Variants in RAPGEF1 observed in about 807,000 individuals in gnomAD.
RAPGEF1 encodes CRK SH3-binding GNRP.
RAPGEF1 carries 33 observed loss-of-function variants against 143.3 expected under a neutral mutation model. That is an observed-to-expected ratio of 0.23 (90% CI 0.17 to 0.31). The LOEUF is 0.31. RAPGEF1 is among the 10% of genes least tolerant of loss of function. The pLI is 1.00. For synonymous variants in RAPGEF1, 629 were observed against 676.5 expected (o/e 0.93, Z 1.09); for missense variants, 1,199 against 1,645.4 (o/e 0.73, Z 4.69).
chr9:131,720,528 G>A (rs1170258591), intron 1 of RAPGEF1, among the ~76,000 whole-genome samples: 1 of 152,102 alleles, frequency 6.6e-6, no homozygotes, highest in African/African-American at 2.4e-5. Context: ...AAACCTCCAG[G>A]TGCTGACGTT....
intron 1 of RAPGEF1, among the ~76,000 whole-genome samples, chr9:131,684,995 C>T (rs889701494): frequency 2.0e-5 from 3 of 152,108 alleles, no homozygotes; most frequent in Admixed American, 6.5e-5. Context: ...CTGAGGAAAG[C>T]GGGACAACCA....
rs986515023 is a variant in RAPGEF1, at chr9:131,584,295, C to A, written c.3414+16G>T. 6.3e-7 allele frequency: 1 copy of A among 1,599,834 alleles called. No homozygotes were observed. The highest frequency in any genetic ancestry group is 8.5e-7 in the Non-Finnish European group (1 of 1,172,958). ...CTTACCAGCCACCCTCCCGCCCACG[C>A]CCCAAGGCCACTCACCTCTGAAGTC... On this transcript the variant is annotated intron_variant, in intron 24 of 26. Transcript: ENST00000683357. This position sits in a 1 kb window ranked among gnomAD's most constrained non-coding sequence, Gnocchi z 6.8.
Position 131,628,822 on chromosome 9 carries a change from A to G in RAPGEF1, c.894-150T>C, listed in dbSNP as rs1459931210. 8 of 1,116,772 alleles carry G rather than the reference A, an allele frequency of 7.2e-6. No homozygotes were observed. Among genetic ancestry groups the G allele is most frequent in the Middle Eastern group, 2.1e-4 (1 of 4,862 alleles). 69.2% of individuals were successfully genotyped at this position (1,116,772 alleles called of 1,614,324 possible). ...CAACTCCTGCCTACTCCCCTCCGCC[A>G]AAATAAAACCTGTAAATACCAAATG... On this transcript the variant is annotated intron_variant, in intron 7 of 26. Transcript: ENST00000683357. The surrounding 1 kb of genome is among the most constrained non-coding windows in gnomAD (Gnocchi z 5.7).
At position 131,655,318 on chromosome 9, in the gene RAPGEF1, C is replaced by T. The variant is rs1241561425; in HGVS notation, c.62-4369G>A. On this transcript the variant is annotated intron_variant, in intron 1 of 26. Coordinates refer to ENST00000683357, the MANE Select transcript of RAPGEF1 (RefSeq NM_001377935.1). This position sits in a 1 kb window ranked among gnomAD's most constrained non-coding sequence, Gnocchi z 4.1. ...GCTGCAGAAAGCCCTTCTTAGTCCC[C>T]AGATGGGGACACAAGTCAACAGGAA... is the stretch of plus-strand genomic sequence containing the variant. 6.6e-6 allele frequency among the ~76,000 whole-genome samples: 1 copy of T among 152,218 alleles called. No homozygotes were observed. The highest frequency in any genetic ancestry group is 1.5e-5 in the Non-Finnish European group (1 of 68,034).
At chr9:131,590,114 G>A (rs1013332101) in intron 18 of RAPGEF1, 136 bp from the exon 19 acceptor site, 4 of 747,584 alleles carry the variant, frequency 5.4e-6, no homozygotes, top group East Asian at 2.7e-5. Context: ...ATCCAGAAAC[G>A]AGGGCACGGG....
intron 3 of RAPGEF1, among the ~76,000 whole-genome samples, chr9:131,646,178 A>G (rs544097004): frequency 1.3e-5 from 2 of 152,276 alleles, no homozygotes; most frequent in Admixed American, 1.3e-4. Context: ...CACCCTGTGA[A>G]GTGGATACTA....
At position 131,650,762 on chromosome 9, in the gene RAPGEF1, A is replaced by G. The variant is rs1295527480; in HGVS notation, c.201+48T>C. The G allele has an allele frequency of 6.9e-6, 11 of 1,600,306 alleles. No individual in the cohort carries two copies. Among genetic ancestry groups the G allele is most frequent in the Non-Finnish European group, 9.4e-6 (11 of 1,173,714 alleles). On this transcript the variant is annotated intron_variant, in intron 2 of 26. Coordinates refer to ENST00000683357, the MANE Select transcript of RAPGEF1 (RefSeq NM_001377935.1). This position sits in a 1 kb window ranked among gnomAD's most constrained non-coding sequence, Gnocchi z 4.7. ...GAACATACAAATCGCACAAACTCAT[A>G]TTGCTGGAAGCAGGTGAGGCCAGGA...
In RAPGEF1 at chr9:131,583,553, G is replaced by C. The variant is rs1258587595; in HGVS notation, c.3414+758C>G. Among the ~76,000 whole-genome samples, 1 of 151,410 alleles carries C rather than the reference G, an allele frequency of 6.6e-6. No individual in the cohort carries two copies. Among genetic ancestry groups the C allele is most frequent in the Admixed American group, 6.6e-5 (1 of 15,224 alleles). On this transcript the variant is annotated intron_variant, in intron 24 of 26. Transcript: ENST00000683357. This position sits in a 1 kb window ranked among gnomAD's most constrained non-coding sequence, Gnocchi z 4.7. ...ACTCAGGTCCCTGACACAATCCCTG[G>C]GTGGCCTGGCTGAACTTGGGTCCCT...
chr9:131,661,444 G>A (rs1262121536), intron 1 of RAPGEF1, among the ~76,000 whole-genome samples: 1 of 152,166 alleles, frequency 6.6e-6, no homozygotes, highest in African/African-American at 2.4e-5. Flanking sequence ...TGGTTAACTG[G>A]CAGGTGACAT....
chr9:131,598,145 C>G lies in RAPGEF1; in HGVS notation c.2613+54G>C, dbSNP rs1955617127. ...CAAGATCACATTCTTCTCTGCCCCA[C>G]CTGCTCTCCTCTGTGGGGCCAGGCT... On this transcript the variant is annotated intron_variant, in intron 16 of 26. Transcript: ENST00000683357. 3 of 1,475,708 alleles carry G rather than the reference C, an allele frequency of 2.0e-6. No homozygotes were observed. The South Asian group carries it at 3.5e-5, about 17-fold the overall frequency. 91.4% of individuals were successfully genotyped at this position (1,475,708 alleles called of 1,614,324 possible).
intron 12 of RAPGEF1, among the ~76,000 whole-genome samples, chr9:131,613,823 G>A (rs1167310704): frequency 3.3e-5 from 5 of 152,168 alleles, no homozygotes; most frequent in Non-Finnish European, 7.4e-5. Flanking sequence ...CTGCCCCTAA[G>A]GGTATGGACT....
At chr9:131,609,482 CAG>C (rs1299844848) in intron 12 of RAPGEF1, among the ~76,000 whole-genome samples, 1 of 152,076 alleles carries the variant, frequency 6.6e-6, no homozygotes, top group African/African-American at 2.4e-5. Context: ...ACCAAATCTG[CAG>C]AGTTCCTTAG....
intron 3 of RAPGEF1, among the ~76,000 whole-genome samples, chr9:131,645,920 G>A (rs1354689812): frequency 1.3e-5 from 2 of 152,206 alleles, no homozygotes; most frequent in Non-Finnish European, 2.9e-5. Flanking sequence ...TCTGCCCCGT[G>A]TAACTAAAGA....
chr9:131,604,502 A>G (rs910959546), intron 13 of RAPGEF1, among the ~76,000 whole-genome samples: 63 of 152,242 alleles, frequency 4.1e-4, no homozygotes, highest in African/African-American at 1.3e-3. Context: ...CATCGGCACC[A>G]CATGCAACCG....
chr9:131,707,320 A>G (rs1308560306), intron 1 of RAPGEF1, among the ~76,000 whole-genome samples: 1 of 152,260 alleles, frequency 6.6e-6, no homozygotes, highest in Non-Finnish European at 1.5e-5. Flanking sequence ...CATGAAAGAA[A>G]GTATAACAAA....
intron 1 of RAPGEF1, among the ~76,000 whole-genome samples, chr9:131,654,540 T>C (rs1005135467): frequency 2.6e-5 from 4 of 151,928 alleles, no homozygotes; most frequent in Admixed American, 6.6e-5. Flanking sequence ...ACTTTGTCTC[T>C]ACCTACAAAA....
rs1429171508 is a variant in RAPGEF1 at position 131,589,154 on chromosome 9, T to G, written c.2868-168A>C. On this transcript the variant is annotated intron_variant, in intron 19 of 26. Transcript: ENST00000683357. ...GACGAGAGCCTGGGATGGCTGCCTG[T>G]GTCCTTGGAGGTGTTGGGATGGTCA... 2.0e-5 allele frequency among the ~76,000 whole-genome samples: 3 copies of G among 152,346 alleles called. No individual in the cohort carries two copies. The East Asian group carries it at 5.8e-4, about 29-fold the overall frequency.
chr9:131,706,129 T>C (rs1262440408), intron 1 of RAPGEF1, among the ~76,000 whole-genome samples: 1 of 152,156 alleles, frequency 6.6e-6, no homozygotes, highest in Non-Finnish European at 1.5e-5. Flanking sequence ...AGGATTCCCA[T>C]TCACTTGTTC....
At chr9:131,643,032 G>A (rs1968502108) in intron 4 of RAPGEF1, among the ~76,000 whole-genome samples, 1 of 152,172 alleles carries the variant, frequency 6.6e-6, no homozygotes, top group Non-Finnish European at 1.5e-5. Context: ...GCAGAGATGT[G>A]TCCCGGGCTT....
Sources: allele counts gnomAD v4.1 joint callset (sites outside exome capture counted in the v4.1 genomes callset), GRCh38; gene constraint gnomAD v4.1.1; non-coding constraint Gnocchi (gnomAD v3.1); transcripts MANE v1.5; gene names NCBI Gene and HGNC (gene_info 2026-07-23, HGNC 2026-07-21).